Variants in TMEM108 observed in about 807,000 individuals in gnomAD.
TMEM108 encodes the protein transmembrane protein 108, also known as cancer/testis antigen 124.
Under a neutral mutation model 35.1 loss-of-function variants are expected in TMEM108, and 12 were observed. That is an observed-to-expected ratio of 0.34 (90% CI 0.22 to 0.55). The LOEUF (loss-of-function observed/expected upper bound fraction) is 0.55. Ranked by LOEUF, TMEM108 falls within the 20% of genes least tolerant of loss-of-function variation. The probability of loss-of-function intolerance (pLI) is 0.89; values close to 1 mark genes in which losing one functional copy is unlikely to be tolerated. For missense variants in TMEM108, 680 were observed against 753.3 expected, an observed-to-expected ratio of 0.90 and a Z score of 1.14; for synonymous variants, 287 against 308.6, an observed-to-expected ratio of 0.93 and a Z score of 0.73.
intron 3 of TMEM108, among the ~76,000 whole-genome samples, chr3:133,375,258 C>T (rs999038495): frequency 2.6e-5 from 4 of 152,190 alleles, no homozygotes; most frequent in African/African-American, 9.7e-5. Context: ...CCTTTCCTTC[C>T]CTTGGGTCCT....
At chr3:133,124,185 A>C (rs1192954124) in intron 2 of TMEM108, among the ~76,000 whole-genome samples, 2 of 152,194 alleles carry the variant, frequency 1.3e-5, no homozygotes, top group East Asian at 1.9e-4. Context: ...AAAATATGGA[A>C]AGCAGCATCA....
At position 133,164,779 on chromosome 3, in the gene TMEM108, G is replaced by A. The variant is rs573513540; in HGVS notation, c.-46-64487G>A. Among the ~76,000 whole-genome samples, 4 of 152,178 alleles carry A rather than the reference G, an allele frequency of 2.6e-5. No homozygotes were observed. In the East Asian group the frequency reaches 5.8e-4, roughly 22 times the overall value. On this transcript the variant is annotated intron_variant, in intron 2 of 5. Coordinates refer to ENST00000321871, the MANE Select transcript of TMEM108 (RefSeq NM_023943.4). ...CTTGTGCACCTTAAATGATAGAAGA[G>A]TCACTTCTTTTGTGAACTTTAAATG... is the stretch of plus-strand genomic sequence containing the variant.
intron 3 of TMEM108, among the ~76,000 whole-genome samples, chr3:133,374,563 T>TATAC (rs1477311616): frequency 5.1e-5 from 4 of 77,990 alleles, no homozygotes; most frequent in African/African-American, 1.6e-4. Flanking sequence ...TATATATATA[T>TATAC]ACACACACAC....
At chr3:133,266,757 G>A (rs925876772) in intron 3 of TMEM108, among the ~76,000 whole-genome samples, 3 of 152,160 alleles carry the variant, frequency 2.0e-5, no homozygotes, top group South Asian at 2.1e-4. Flanking sequence ...CTGGTCAGGC[G>A]AGTAGTGACA....
chr3:133,227,538 A>G (rs1559874919), intron 2 of TMEM108, among the ~76,000 whole-genome samples: 1 of 151,512 alleles, frequency 6.6e-6, no homozygotes, highest in African/African-American at 2.4e-5. Context: ...TGAGGTAGGT[A>G]GAATTCTTAT....
chr3:133,387,573 T>C (rs1289815080), intron 4 of TMEM108: 2 of 979,176 alleles, frequency 2.0e-6, no homozygotes, highest in African/African-American at 3.5e-5. Flanking sequence ...TTCTGCAACC[T>C]CTACCAGCCC....
chr3:133,334,519 A>G (rs544802462), intron 3 of TMEM108, among the ~76,000 whole-genome samples: 20 of 152,244 alleles, frequency 1.3e-4, no homozygotes, highest in African/African-American at 4.8e-4. Context: ...CCAGGAGGAC[A>G]ATGACTGTGT....
intron 2 of TMEM108, among the ~76,000 whole-genome samples, chr3:133,069,713 A>G (rs1943654175): frequency 1.3e-5 from 2 of 151,892 alleles, no homozygotes; most frequent in African/African-American, 4.8e-5. Context: ...ATTTCTTAAG[A>G]CTTTATATTT....
chr3:133,038,616 C>T (rs767300173), intron 1 of TMEM108, among the ~76,000 whole-genome samples, 181 bp downstream of exon 1: 1 of 152,170 alleles, frequency 6.6e-6, no homozygotes, highest in Non-Finnish European at 1.5e-5. Flanking sequence ...CAGGCACCTT[C>T]CCATCCTCCC....
intron 2 of TMEM108, among the ~76,000 whole-genome samples, chr3:133,138,491 G>A (rs1424334502): frequency 6.6e-6 from 1 of 152,100 alleles, no homozygotes; most frequent in Admixed American, 6.5e-5. Context: ...AACATTATGA[G>A]ATTTTTTTGT....
At chr3:133,376,860 G>A (rs1161103202) in intron 3 of TMEM108, among the ~76,000 whole-genome samples, 2 of 152,166 alleles carry the variant, frequency 1.3e-5, no homozygotes. Flanking sequence ...TAAGGCATGT[G>A]TATTAGTTTG....
At chr3:133,281,248 T>C (rs1433047090) in intron 3 of TMEM108, among the ~76,000 whole-genome samples, 2 of 152,158 alleles carry the variant, frequency 1.3e-5, no homozygotes, top group African/African-American at 4.8e-5. Flanking sequence ...TGTTTAAATA[T>C]AGTCAGATCA....
intron 2 of TMEM108, among the ~76,000 whole-genome samples, chr3:133,161,865 C>T (rs775395489): frequency 9.9e-5 from 15 of 152,148 alleles, no homozygotes; most frequent in African/African-American, 1.4e-4. Flanking sequence ...AAGAGCTCCT[C>T]GAAAACCTGG....
rs138677464 is a variant in TMEM108 at position 133,354,520 on chromosome 3, A to C, written c.41-25232A>C. On this transcript the variant is annotated intron_variant, in intron 3 of 5. Transcript: ENST00000321871. ...ACAGAACAGAAGTATTGGCATTTTT[A>C]TATTGGATTCTTGCAGCACCTCTGT... Among the ~76,000 whole-genome samples, 379 of 152,322 alleles carry C rather than the reference A, an allele frequency of 2.5e-3. 1 individual carries two copies. The highest frequency in any genetic ancestry group is 8.6e-3 in the African/African-American group (357 of 41,564).
chr3:133,192,257 G>C (rs1295261796), intron 2 of TMEM108, among the ~76,000 whole-genome samples: 1 of 152,170 alleles, frequency 6.6e-6, no homozygotes, highest in Non-Finnish European at 1.5e-5. Flanking sequence ...TATAAAAGCA[G>C]TTGAAATATG....
At chr3:133,155,678 C>A (rs1403970408) in intron 2 of TMEM108, among the ~76,000 whole-genome samples, 1 of 152,120 alleles carries the variant, frequency 6.6e-6, no homozygotes, top group Non-Finnish European at 1.5e-5. Context: ...CTGTTCATAT[C>A]CTTTGCCTGC....
intron 4 of TMEM108, chr3:133,386,648 C>T (rs1231341242): frequency 5.7e-6 from 8 of 1,415,698 alleles, no homozygotes; most frequent in Non-Finnish European, 7.3e-6. Flanking sequence ...TTGATGGCTA[C>T]TGCCTCAGGA....
chr3:133,241,077 T>A (rs916441799), intron 3 of TMEM108, among the ~76,000 whole-genome samples: 1 of 152,224 alleles, frequency 6.6e-6, no homozygotes, highest in East Asian at 1.9e-4. Flanking sequence ...TGTTAAAATC[T>A]GGTATAATTC....
chr3:133,388,528 T>A (rs1395521252), intron 4 of TMEM108: 1 of 985,340 alleles, frequency 1.0e-6, no homozygotes, highest in East Asian at 1.1e-4. Context: ...TTTGAAAAGT[T>A]CTGTACCAGC....
Sources: gnomAD v4.1 joint callset for allele counts (sites outside exome capture counted in the v4.1 genomes callset) on GRCh38, gnomAD v4.1.1 for gene constraint, MANE v1.5 for transcripts, NCBI Gene and HGNC (gene_info 2026-07-23, HGNC 2026-07-21) for gene names.